The following CREB3L2 variants were observed in gnomAD, a reference collection of about 807,000 sequenced individuals.
The protein encoded by CREB3L2 is cyclic AMP-responsive element-binding protein 3-like protein 2.
CREB3L2 carries 23 observed loss-of-function variants against 57.2 expected under a neutral mutation model. The observed-to-expected ratio is 0.40, with a 90% CI of 0.29 to 0.57. CREB3L2 has a LOEUF of 0.57. Among genes scored for constraint, CREB3L2 ranks in the 20% least tolerant of loss-of-function variants. The pLI is 0.42. For missense variants in CREB3L2, 628 were observed against 634.7 expected (o/e 0.99, Z 0.11); for synonymous variants, 268 against 265.1 (o/e 1.01, Z -0.11).
intron 1 of CREB3L2, among the ~76,000 whole-genome samples, chr7:137,984,037 G>T (rs529475136): frequency 1.1e-4 from 16 of 152,324 alleles, no homozygotes; most frequent in Non-Finnish European, 1.9e-4. Context: ...GTGCCAAAAA[G>T]TGCCACTGAG....
intron 1 of CREB3L2, among the ~76,000 whole-genome samples, chr7:137,945,910 T>A (rs986980413): frequency 8.5e-5 from 13 of 152,222 alleles, no homozygotes; most frequent in African/African-American, 3.1e-4. Context: ...TAAGCTTTTA[T>A]CTTTAGATTG....
rs529783335 is a variant in CREB3L2, at chr7:137,964,030, T to G, written c.103-35664A>C. ...AAGATGGCCATGTTAAAGAAACACT[T>G]GCGGCCAGGCGCGGTGGCTCACGCC... is the stretch of plus-strand genomic sequence containing the variant. On this transcript the variant is annotated intron_variant, in intron 1 of 11. Coordinates refer to ENST00000330387, the MANE Select transcript of CREB3L2 (RefSeq NM_194071.4). 7.7e-4 allele frequency among the ~76,000 whole-genome samples: 117 copies of G among 152,332 alleles called. No homozygotes were observed. The South Asian group carries it at 0.022, about 29-fold the overall frequency.
At chr7:137,943,568 C>T (rs1348501175) in intron 1 of CREB3L2, among the ~76,000 whole-genome samples, 1 of 152,130 alleles carries the variant, frequency 6.6e-6, no homozygotes. Context: ...ATCTTCTAGC[C>T]TCAGTTATGC....
chr7:137,946,365 GA>G, intron 1 of CREB3L2, among the ~76,000 whole-genome samples: 1 of 148,768 alleles, frequency 6.7e-6, no homozygotes, highest in Non-Finnish European at 1.5e-5. Flanking sequence ...GTCTAGAAAT[GA>G]GAAAAATTTT....
At position 137,882,528 on chromosome 7, in the gene CREB3L2, G is replaced by A. The variant is rs775318022; in HGVS notation, c.1371C>T (p.Ser457=). 4.3e-6 allele frequency: 7 copies of A among 1,613,960 alleles called. No homozygotes were observed. The highest frequency in any genetic ancestry group is 5.9e-6 in the Non-Finnish European group (7 of 1,179,850). Residue 457 remains serine, a synonymous_variant, in exon 11 of 12, where the codon TCC becomes TCT. Coordinates refer to ENST00000330387, the MANE Select transcript of CREB3L2 (RefSeq NM_194071.4). ...AGELGGWDRG[S]SLLRVSGLES... ...CCAGCCCTGACACCCTGAGCAGGGA[G>A]GAACCTCTATCCCAGCCCCCCAGCT...
At chr7:137,952,909 C>T (rs1801131474) in intron 1 of CREB3L2, among the ~76,000 whole-genome samples, 2 of 152,162 alleles carry the variant, frequency 1.3e-5, no homozygotes, top group Non-Finnish European at 1.5e-5. Flanking sequence ...CCTCCGCCTC[C>T]CGGGTTCCAG....
intron 1 of CREB3L2, among the ~76,000 whole-genome samples, chr7:137,989,432 G>GTTTTTTTTTTTTTTTTTTTTTTTTTT (rs33944427): frequency 9.4e-6 from 1 of 106,032 alleles, no homozygotes. Context: ...CTTTTCTCCA[G>GTTTTTTTTTTTTTTTTTTTTTTTTTT]TTTTTTTTTT....
At chr7:137,938,940 T>C (rs890884623) in intron 1 of CREB3L2, among the ~76,000 whole-genome samples, 5 of 152,266 alleles carry the variant, frequency 3.3e-5, no homozygotes, top group Admixed American at 6.5e-5. Context: ...ACCCCACAAG[T>C]GGCTCCTGAT....
At chr7:137,940,696 A>T (rs573903588) in intron 1 of CREB3L2, among the ~76,000 whole-genome samples, 1 of 152,340 alleles carries the variant, frequency 6.6e-6, no homozygotes, top group East Asian at 1.9e-4. Flanking sequence ...TCAAGATCTA[A>T]TGCCAAAAAC....
Position 137,880,576 on chromosome 7 carries a change from G to T in CREB3L2, c.1488-25C>A. Reference sequence around the variant, plus strand: ...CCTGTGAAGGCATTAAAAGGAAAACGAAGTATTAGTCACCAGCTGTTAGCT... The same window carrying T: ...CCTGTGAAGGCATTAAAAGGAAAACTAAGTATTAGTCACCAGCTGTTAGCT... On this transcript the variant is annotated intron_variant, in intron 11 of 11. Transcript: ENST00000330387. This position sits in a 1 kb window ranked among gnomAD's most constrained non-coding sequence, Gnocchi z 4.0. The T allele has an allele frequency of 6.4e-7, 1 of 1,562,374 alleles. No individual in the cohort carries two copies. The highest frequency in any genetic ancestry group is 8.8e-7 in the Non-Finnish European group (1 of 1,133,472).
chr7:137,965,319 A>G (rs1242151362), intron 1 of CREB3L2, among the ~76,000 whole-genome samples: 2 of 152,168 alleles, frequency 1.3e-5, no homozygotes, highest in East Asian at 3.9e-4. Context: ...ATCAACACAC[A>G]TGCGCACAAA....
At chr7:137,956,035 T>C (rs1317586630) in intron 1 of CREB3L2, among the ~76,000 whole-genome samples, 1 of 152,204 alleles carries the variant, frequency 6.6e-6, no homozygotes, top group Non-Finnish European at 1.5e-5. Context: ...AAACACTAGC[T>C]AAGGCACTTA....
chr7:137,977,719 G>A (rs950718106), intron 1 of CREB3L2, among the ~76,000 whole-genome samples: 2 of 152,106 alleles, frequency 1.3e-5, no homozygotes, highest in South Asian at 2.1e-4. Flanking sequence ...TCAGGAGTTC[G>A]AGGCCAGCCT....
At chr7:137,977,294 C>T (rs1040090673) in intron 1 of CREB3L2, among the ~76,000 whole-genome samples, 1 of 152,180 alleles carries the variant, frequency 6.6e-6, no homozygotes, top group African/African-American at 2.4e-5. Context: ...ACCAAAGTGC[C>T]GAGGTGGCAG....
chr7:137,917,031 C>T (rs1010839376), intron 2 of CREB3L2, among the ~76,000 whole-genome samples: 2 of 152,144 alleles, frequency 1.3e-5, no homozygotes, highest in African/African-American at 2.4e-5. Flanking sequence ...CTTAGACTTT[C>T]AGAGACTCTG....
intron 1 of CREB3L2, among the ~76,000 whole-genome samples, chr7:137,985,876 G>C (rs955365962): frequency 1.3e-5 from 2 of 152,156 alleles, no homozygotes; most frequent in East Asian, 3.8e-4. Context: ...AAATATTTCA[G>C]GTCTTTTTCC....
Position 137,875,072 on chromosome 7 carries a change from T to C in CREB3L2, c.*5404A>G, listed in dbSNP as rs1799115546. The C allele has an allele frequency of 5.2e-6, 1 of 193,736 alleles. No individual in the cohort carries two copies. Among genetic ancestry groups the C allele is most frequent in the South Asian group, 1.9e-4 (1 of 5,156 alleles). 12.0% of individuals were successfully genotyped at this position (193,736 alleles called of 1,614,324 possible). A position where few individuals can be genotyped will look rare whatever the true frequency, so the allele number is the denominator to read the frequency against. ...TTTTTTTTCCCAAACTAAGTACAAG[T>C]GTCCTACAAAGCTTTTTTTTTTTTT... On this transcript the variant is annotated 3_prime_UTR_variant, in exon 12 of 12. Transcript: ENST00000330387.
chr7:137,912,662 C>T lies in CREB3L2; in HGVS notation c.583+329G>A, dbSNP rs1319970767. The T allele has an allele frequency of 1.9e-5, 12 of 624,012 alleles. No homozygotes were observed. In the East Asian group the frequency reaches 2.5e-4, roughly 13 times the overall value. The allele number at this position is 624,012 out of a possible 1,614,324, so 38.7% of individuals were successfully genotyped here. A position where few individuals can be genotyped will look rare whatever the true frequency, so the allele number is the denominator to read the frequency against. On this transcript the variant is annotated intron_variant, in intron 4 of 11. Coordinates refer to ENST00000330387, the MANE Select transcript of CREB3L2 (RefSeq NM_194071.4). ...TTGTGGGGCTACGTAGGGTTCACGC[C>T]TGGATGAATAAGGGCTGCAGTTCTC...
intron 1 of CREB3L2, among the ~76,000 whole-genome samples, chr7:137,975,118 T>C (rs970597527): frequency 6.6e-6 from 1 of 152,166 alleles, no homozygotes; most frequent in Non-Finnish European, 1.5e-5. Flanking sequence ...CGTAAAGCAT[T>C]ATAAAAATAT....
Sources: allele counts gnomAD v4.1 joint callset (sites outside exome capture counted in the v4.1 genomes callset), GRCh38; gene constraint gnomAD v4.1.1; non-coding constraint Gnocchi (gnomAD v3.1); transcripts MANE v1.5; gene names NCBI Gene and HGNC (gene_info 2026-07-23, HGNC 2026-07-21).